Variants in CACNB4 observed in about 807,000 individuals in gnomAD.
CACNB4 encodes calcium voltage-gated channel auxiliary subunit beta 4, also known as voltage-dependent L-type calcium channel subunit beta-4.
Under a neutral mutation model 71.2 loss-of-function variants are expected in CACNB4, and 32 were observed. The observed-to-expected ratio is 0.45, with a 90% CI of 0.34 to 0.60. CACNB4 has a LOEUF of 0.60. Among genes scored for constraint, CACNB4 ranks in the 20% least tolerant of loss-of-function variants. The pLI, the probability that CACNB4 is intolerant of heterozygous loss-of-function variation, is 0.01. For synonymous variants in CACNB4, 231 were observed against 236.9 expected, an observed-to-expected ratio of 0.97 and a Z score of 0.23; for missense variants, 464 against 647.9, an observed-to-expected ratio of 0.72 and a Z score of 3.08.
At chr2:152,089,922 A>C (rs1687878386) in intron 2 of CACNB4, among the ~76,000 whole-genome samples, 1 of 152,236 alleles carries the variant, frequency 6.6e-6, no homozygotes, top group South Asian at 2.1e-4. Context: ...AAAGAAAGAC[A>C]GAAAGCAGAG....
In CACNB4 at chr2:151,869,078, G is replaced by T. The variant is rs952039288; in HGVS notation, c.758+99C>A. On this transcript the variant is annotated intron_variant, in intron 9 of 13. Coordinates refer to ENST00000539935, the MANE Select transcript of CACNB4 (RefSeq NM_000726.5). ...AATACTGAGTTAACTTTTAACTAGA[G>T]AACTTCTGAAATCTCTGGAAACATA... is the stretch of plus-strand genomic sequence containing the variant. 2.8e-5 allele frequency: 20 copies of T among 724,694 alleles called. No homozygotes were observed. In the African/African-American group the frequency reaches 3.2e-4, roughly 12 times the overall value. 44.9% of individuals were successfully genotyped at this position (724,694 alleles called of 1,614,324 possible).
chr2:152,043,079 C>A (rs533594544), intron 2 of CACNB4, among the ~76,000 whole-genome samples: 4 of 152,154 alleles, frequency 2.6e-5, no homozygotes, highest in African/African-American at 4.8e-5. Context: ...AAAGGAGGAA[C>A]CTTCAGTTCA....
chr2:151,900,663 GTGAA>G (rs1232876671), intron 2 of CACNB4, among the ~76,000 whole-genome samples: 1 of 152,186 alleles, frequency 6.6e-6, no homozygotes, highest in African/African-American at 2.4e-5. Context: ...ACTAAAGTAA[GTGAA>G]TGAGAGTTTC....
intron 2 of CACNB4, among the ~76,000 whole-genome samples, chr2:152,028,266 C>T (rs1420930221): frequency 3.9e-5 from 6 of 152,142 alleles, no homozygotes; most frequent in African/African-American, 1.4e-4. Flanking sequence ...ATCTCCAGAC[C>T]AGCAAAGGAC....
chr2:151,847,679 G>A (rs951690393), intron 12 of CACNB4, among the ~76,000 whole-genome samples: 51 of 152,122 alleles, frequency 3.4e-4, no homozygotes, highest in African/African-American at 1.2e-3. Context: ...CCTGAGGTCA[G>A]GAGTTTGAGA....
chr2:151,899,644 C>T (rs2099852897), intron 2 of CACNB4, among the ~76,000 whole-genome samples: 1 of 152,146 alleles, frequency 6.6e-6, no homozygotes, highest in South Asian at 2.1e-4. Flanking sequence ...CGTATGTGAA[C>T]CAGGTGAACT....
intron 2 of CACNB4, among the ~76,000 whole-genome samples, chr2:151,916,534 T>C (rs987844647): frequency 1.3e-5 from 2 of 152,184 alleles, no homozygotes; most frequent in African/African-American, 2.4e-5. Context: ...AGTTTTAAAA[T>C]AGTCGACTGA....
intron 10 of CACNB4, chr2:151,858,122 G>A (rs1479961472): frequency 4.6e-5 from 7 of 152,110 alleles, no homozygotes; most frequent in African/African-American, 1.7e-4. Context: ...TTGGCTACCT[G>A]GACTGATTCT....
intron 2 of CACNB4, chr2:151,971,487 T>C: frequency 1.4e-6 from 1 of 702,706 alleles, no homozygotes; most frequent in South Asian, 1.5e-5. Flanking sequence ...TTTCCACGCC[T>C]ATCCACCAGA....
At chr2:152,000,733 C>T (rs761821809) in intron 2 of CACNB4, among the ~76,000 whole-genome samples, 2 of 152,184 alleles carry the variant, frequency 1.3e-5, no homozygotes, top group African/African-American at 4.8e-5. Flanking sequence ...GCCACCAAAT[C>T]CTCCCTCCCA....
chr2:151,883,399 T>C (rs778924772), intron 2 of CACNB4, 29 bp from the exon 3 acceptor site: 4 of 1,612,690 alleles, frequency 2.5e-6, no homozygotes, highest in Non-Finnish European at 8.5e-7. Context: ...TAGTTTCAGA[T>C]GATGTGTAGC....
In CACNB4 at chr2:152,026,847, G is replaced by A. The variant is rs540323504; in HGVS notation, c.147+71483C>T. On this transcript the variant is annotated intron_variant, in intron 2 of 13. Transcript: ENST00000539935. ...TCACCAATGGTATCCATATTGTTAA[G>A]TCCATTGGGGAATCTTGGGCTCATC... Among the ~76,000 whole-genome samples, 48 of 152,186 alleles carry A rather than the reference G, an allele frequency of 3.2e-4. 1 individual carries two copies. The highest frequency in any genetic ancestry group is 3.4e-3 in the Middle Eastern group (1 of 294).
rs1227476221 is a variant in CACNB4, at chr2:151,837,012, C to A, written c.*2107G>T. ...TTTGGCTAATGTTTTCTTTCTCATG[C>A]AAGTATGTGCTGTACATGTAATAAA... is the stretch of plus-strand genomic sequence containing the variant. On this transcript the variant is annotated 3_prime_UTR_variant, in exon 14 of 14. Transcript: ENST00000539935. 6.6e-6 allele frequency: 1 copy of A among 151,932 alleles called. No homozygotes were observed. The highest frequency in any genetic ancestry group is 1.5e-5 in the Non-Finnish European group (1 of 67,844). 9.4% of individuals were successfully genotyped at this position (151,932 alleles called of 1,614,324 possible).
Position 151,898,498 on chromosome 2 carries a change from A to G in CACNB4, c.148-15128T>C, listed in dbSNP as rs181508037. Among the ~76,000 whole-genome samples, 124 of 152,358 alleles carry G rather than the reference A, an allele frequency of 8.1e-4. 1 individual carries two copies. Among genetic ancestry groups the G allele is most frequent in the African/African-American group, 2.7e-3 (114 of 41,590 alleles). ...AAACAGGTGTGAAAAGTCACCCCTC[A>G]GAGACAAAACACTCTATTCCCTCCC... On this transcript the variant is annotated intron_variant, in intron 2 of 13. Transcript: ENST00000539935.
intron 12 of CACNB4, among the ~76,000 whole-genome samples, chr2:151,844,898 C>T (rs1438754752): frequency 6.6e-6 from 1 of 152,148 alleles, no homozygotes; most frequent in Non-Finnish European, 1.5e-5. Context: ...TTACATGGGT[C>T]TCATTCTATA....
intron 2 of CACNB4, among the ~76,000 whole-genome samples, chr2:151,975,645 C>T (rs751517922): frequency 8.5e-5 from 13 of 152,100 alleles, no homozygotes; most frequent in East Asian, 1.9e-4. Flanking sequence ...CGTGGAACCT[C>T]GGTTCCCTCC....
In CACNB4 at chr2:152,060,337, A is replaced by G. The variant is rs369932186; in HGVS notation, c.147+37993T>C. Among the ~76,000 whole-genome samples the G allele has an allele frequency of 3.0e-4, 46 of 152,320 alleles. No individual in the cohort carries two copies. The East Asian group carries it at 6.0e-3, about 20-fold the overall frequency. On this transcript the variant is annotated intron_variant, in intron 2 of 13. Transcript: ENST00000539935. ...CATACCATTACATTAAAAGATTTAA[A>G]ATTATTAATGCATTATTAATTCACA...
intron 2 of CACNB4, among the ~76,000 whole-genome samples, chr2:151,952,459 C>T (rs2099867160): frequency 6.6e-6 from 1 of 152,206 alleles, no homozygotes; most frequent in Non-Finnish European, 1.5e-5. Context: ...TCCTCTTTCT[C>T]TGTCGCTTTA....
intron 2 of CACNB4, among the ~76,000 whole-genome samples, chr2:151,960,575 C>T (rs1560073253): frequency 6.6e-6 from 1 of 152,160 alleles, no homozygotes; most frequent in Non-Finnish European, 1.5e-5. Context: ...TGAACATCAC[C>T]AATGAGAGCA....
Sources: gnomAD v4.1 joint callset for allele counts (sites outside exome capture counted in the v4.1 genomes callset) on GRCh38, gnomAD v4.1.1 for gene constraint, MANE v1.5 for transcripts, NCBI Gene and HGNC (gene_info 2026-07-23, HGNC 2026-07-21) for gene names.